REEP1: variants seen among roughly 807,000 people sequenced by gnomAD.
REEP1 encodes receptor accessory protein 1.
REEP1 carries 22 observed loss-of-function variants against 40.3 expected under a neutral mutation model. The observed-to-expected ratio is 0.55, with a 90% CI of 0.39 to 0.78. REEP1 has a LOEUF of 0.78. REEP1 is among the 30% of genes least tolerant of loss of function. The probability of loss-of-function intolerance (pLI) is 0.00; values close to 1 mark genes in which losing one functional copy is unlikely to be tolerated. For missense variants in REEP1, 280 were observed against 361.1 expected (o/e 0.78, Z 1.82); for synonymous variants, 116 against 139.2 (o/e 0.83, Z 1.17).
intron 2 of REEP1, among the ~76,000 whole-genome samples, chr2:86,266,008 T>C (rs1217764907): frequency 6.6e-6 from 1 of 152,212 alleles, no homozygotes; most frequent in Non-Finnish European, 1.5e-5. Flanking sequence ...AGGTTCTGTA[T>C]ACAATAAAAT....
chr2:86,326,986 G>A (rs189647871), intron 1 of REEP1, among the ~76,000 whole-genome samples: 4 of 152,054 alleles, frequency 2.6e-5, no homozygotes, highest in South Asian at 4.2e-4. Flanking sequence ...CTAGCCAATC[G>A]GGCTAGTGAT....
intron 5 of REEP1, among the ~76,000 whole-genome samples, chr2:86,234,515 C>T (rs1278855674): frequency 1.3e-5 from 2 of 151,760 alleles, no homozygotes; most frequent in Non-Finnish European, 2.9e-5. Flanking sequence ...GAGGCCCTGT[C>T]TCAAAAAAAT....
rs138233994 is a variant in REEP1 at position 86,337,131 on chromosome 2, G to A, written c.32+348C>T. The A allele has an allele frequency of 7.7e-3, 1,214 of 157,602 alleles. 12 individuals carry two copies. Among genetic ancestry groups the A allele is most frequent in the African/African-American group, 0.027 (1,130 of 41,688 alleles). 9.8% of individuals were successfully genotyped at this position (157,602 alleles called of 1,614,324 possible). ...CCAAAGGAGAGAGACGCGTGTCCGC[G>A]GTGCGCCCATTCGGGGCCTCTGCAA... On this transcript the variant is annotated intron_variant, in intron 1 of 8. Transcript: ENST00000538924. The surrounding 1 kb of genome is among the most constrained non-coding windows in gnomAD (Gnocchi z 5.8).
At chr2:86,227,436 C>T (rs1674767364) in intron 6 of REEP1, 38 bp from the exon 7 acceptor site, 5 of 1,231,942 alleles carry the variant, frequency 4.1e-6, no homozygotes, top group Non-Finnish European at 3.0e-6. Context: ...AGTGACATCC[C>T]CCACTGGACA....
intron 1 of REEP1, among the ~76,000 whole-genome samples, chr2:86,301,501 T>C (rs923110532): frequency 1.3e-5 from 2 of 152,246 alleles, no homozygotes; most frequent in Non-Finnish European, 1.5e-5. Flanking sequence ...CAACAATTCC[T>C]ATTTTGAGGA....
intron 7 of REEP1, 28 bp downstream of exon 7, chr2:86,227,335 G>A (rs1674762348): frequency 1.6e-5 from 20 of 1,232,108 alleles, no homozygotes; most frequent in Admixed American, 1.3e-4. Context: ...AGTCCAGCAC[G>A]CTGCGGAGAG....
At chr2:86,249,096 TA>T (rs1302772075) in intron 5 of REEP1, among the ~76,000 whole-genome samples, 2 of 152,010 alleles carry the variant, frequency 1.3e-5, no homozygotes, top group Admixed American at 1.3e-4. Context: ...CAGTCTCTAC[TA>T]AAAATATAAA....
intron 3 of REEP1, among the ~76,000 whole-genome samples, chr2:86,256,738 C>T (rs1676583808): frequency 1.3e-5 from 2 of 152,278 alleles, no homozygotes; most frequent in South Asian, 2.1e-4. Context: ...CTTCTCCCTT[C>T]GTGACAATTA....
chr2:86,271,430 A>G (rs1046015296), intron 2 of REEP1, among the ~76,000 whole-genome samples: 1 of 152,224 alleles, frequency 6.6e-6, no homozygotes, highest in African/African-American at 2.4e-5. Context: ...AATGAGAATA[A>G]GAATGATAGC....
At chr2:86,289,971 T>C (rs1678605514) in intron 1 of REEP1, among the ~76,000 whole-genome samples, 1 of 152,128 alleles carries the variant, frequency 6.6e-6, no homozygotes, top group Non-Finnish European at 1.5e-5. Flanking sequence ...TGACATGTGT[T>C]AATGACTCCA....
At chr2:86,226,123 C>CCACCACCACCACCACCACCAT (rs1674683031) in intron 7 of REEP1, among the ~76,000 whole-genome samples, 1 of 139,644 alleles carries the variant, frequency 7.2e-6, no homozygotes, top group Non-Finnish European at 1.5e-5. Flanking sequence ...ACCATCATCA[C>CCACCACCACCACCACCACCAT]CACCACCACC....
chr2:86,262,717 C>G (rs1331101271), intron 3 of REEP1, among the ~76,000 whole-genome samples: 1 of 152,218 alleles, frequency 6.6e-6, no homozygotes, highest in East Asian at 1.9e-4. Flanking sequence ...CACACTTCAC[C>G]ATGGTTAAAA....
chr2:86,330,571 G>A (rs1177449070), intron 1 of REEP1, among the ~76,000 whole-genome samples: 2 of 151,920 alleles, frequency 1.3e-5, no homozygotes, highest in African/African-American at 4.8e-5. Flanking sequence ...CATCCTCCAA[G>A]TAGCTGGGAC....
At chr2:86,254,837 AAG>A (rs762760091) in intron 3 of REEP1, 23 bp from the exon 4 acceptor site, 2 of 1,612,904 alleles carry the variant, frequency 1.2e-6, no homozygotes, top group African/African-American at 2.7e-5. Context: ...ATGAAAACAC[AAG>A]TTCTGTTAGG....
At chr2:86,317,839 T>C (rs75194433) in intron 1 of REEP1, among the ~76,000 whole-genome samples, 4,587 of 152,324 alleles carry the variant, frequency 0.03, 117 homozygotes, top group East Asian at 0.07. Flanking sequence ...GGAAAAGCAC[T>C]TGTGTCACTG....
At chr2:86,284,698 C>T (rs1404950289) in intron 1 of REEP1, among the ~76,000 whole-genome samples, 1 of 152,160 alleles carries the variant, frequency 6.6e-6, no homozygotes, top group Non-Finnish European at 1.5e-5. Context: ...AGAGGAGAGA[C>T]AGGTGGGAAG....
intron 6 of REEP1, among the ~76,000 whole-genome samples, chr2:86,228,085 G>C (rs909706968): frequency 1.3e-5 from 2 of 152,170 alleles, no homozygotes; most frequent in Non-Finnish European, 1.5e-5. Flanking sequence ...GAAAACTCCA[G>C]GCAAGAGAGA....
intron 1 of REEP1, among the ~76,000 whole-genome samples, chr2:86,324,140 G>GA (rs144147803): frequency 0.02 from 2,969 of 146,616 alleles, 102 homozygotes; most frequent in African/African-American, 0.067. Flanking sequence ...AACTATAAAC[G>GA]AAAAAAAAAA....
chr2:86,317,868 C>A (rs1680090602), intron 1 of REEP1, among the ~76,000 whole-genome samples: 1 of 152,112 alleles, frequency 6.6e-6, no homozygotes, highest in South Asian at 2.1e-4. Flanking sequence ...GCTGAATTAT[C>A]CGCTTTTTTT....
Sources: gnomAD v4.1 joint callset for allele counts (sites outside exome capture counted in the v4.1 genomes callset) on GRCh38, gnomAD v4.1.1 for gene constraint, Gnocchi (gnomAD v3.1) non-coding constraint, MANE v1.5 for transcripts, NCBI Gene and HGNC (gene_info 2026-07-23, HGNC 2026-07-21) for gene names.